Variants in RNF150 observed in about 807,000 individuals in gnomAD.
The protein encoded by RNF150 is ring finger protein 150.
Under a neutral mutation model 39.3 loss-of-function variants are expected in RNF150, and 24 were observed. That is an observed-to-expected ratio of 0.61 (90% CI 0.44 to 0.86). The LOEUF is 0.86. RNF150 is among the 40% of genes least tolerant of loss of function. RNF150 has a pLI of 0.00. For missense variants in RNF150, 502 were observed against 587.8 expected, an observed-to-expected ratio of 0.85 and a Z score of 1.51; for synonymous variants, 255 against 227.3, an observed-to-expected ratio of 1.12 and a Z score of -1.10.
chr4:141,000,010 A>G (rs1439546540), intron 1 of RNF150, among the ~76,000 whole-genome samples: 13 of 37,336 alleles, frequency 3.5e-4, no homozygotes, highest in Non-Finnish European at 4.4e-4. Flanking sequence ...AAGAAGAAGA[A>G]GAAGAAGAAG....
At chr4:140,918,301 G>A (rs374559938) in intron 5 of RNF150, among the ~76,000 whole-genome samples, 8 of 151,814 alleles carry the variant, frequency 5.3e-5, no homozygotes, top group South Asian at 2.1e-4. Context: ...CTAGCAAGAC[G>A]AATAAAGAAA....
intron 1 of RNF150, among the ~76,000 whole-genome samples, chr4:141,175,178 T>C (rs1198462805): frequency 1.3e-5 from 2 of 152,170 alleles, no homozygotes; most frequent in Non-Finnish European, 2.9e-5. Flanking sequence ...TATAGCTTAG[T>C]CTGGAGCCAG....
intron 5 of RNF150, among the ~76,000 whole-genome samples, chr4:140,923,361 CA>C (rs1205032762): frequency 6.6e-6 from 1 of 152,200 alleles, no homozygotes; most frequent in African/African-American, 2.4e-5. Context: ...CCAAAAGACA[CA>C]TGAAAAAATG....
chr4:140,934,700 T>C (rs1731770102), intron 4 of RNF150, among the ~76,000 whole-genome samples: 1 of 151,862 alleles, frequency 6.6e-6, no homozygotes, highest in African/African-American at 2.4e-5. Flanking sequence ...GCCAAAACCA[T>C]ATCCCCAGAG....
At chr4:141,011,255 A>G (rs1025416103) in intron 1 of RNF150, among the ~76,000 whole-genome samples, 1 of 127,352 alleles carries the variant, frequency 7.9e-6, no homozygotes, top group African/African-American at 3.0e-5. Flanking sequence ...ATTCAAAAGT[A>G]AAAAAAAAAC....
rs113907372 is a variant in RNF150, at chr4:140,874,766, G to A, written c.1199-6387C>T. 3.3e-5 allele frequency among the ~76,000 whole-genome samples: 5 copies of A among 152,250 alleles called. 1 individual carries two copies. The highest frequency in any genetic ancestry group is 4.8e-5 in the African/African-American group (2 of 41,552). On this transcript the variant is annotated intron_variant, in intron 6 of 6. Coordinates refer to ENST00000515673, the MANE Select transcript of RNF150 (RefSeq NM_020724.2). ...AGCCGGGACTACAGGCATCTGCCAC[G>A]ACACCTGTGCAGCCTCTATCTTGAG...
intron 1 of RNF150, among the ~76,000 whole-genome samples, chr4:141,195,496 C>A (rs765363915): frequency 7.2e-5 from 11 of 152,300 alleles, no homozygotes; most frequent in Admixed American, 7.2e-4. Context: ...TCAAGTTGAA[C>A]CTTGATCTCA....
chr4:141,046,209 A>G (rs1485683261), intron 1 of RNF150, among the ~76,000 whole-genome samples: 1 of 152,194 alleles, frequency 6.6e-6, no homozygotes, highest in Non-Finnish European at 1.5e-5. Context: ...TCTGACTGGT[A>G]GCTGATGAAG....
intron 1 of RNF150, among the ~76,000 whole-genome samples, chr4:141,155,686 G>A (rs1316561768): frequency 6.6e-6 from 1 of 152,074 alleles, no homozygotes; most frequent in East Asian, 1.9e-4. Flanking sequence ...TCAAAATTTG[G>A]CTGTATATGT....
chr4:141,135,439 A>G (rs1727015303), upstream of RNF150, among the ~76,000 whole-genome samples: 1 of 152,228 alleles, frequency 6.6e-6, no homozygotes, highest in Non-Finnish European at 1.5e-5. Context: ...TGATGGGAGT[A>G]TGTCAAAAAG....
At chr4:141,061,053 G>A (rs1465459522) in intron 1 of RNF150, among the ~76,000 whole-genome samples, 2 of 151,944 alleles carry the variant, frequency 1.3e-5, no homozygotes, top group Admixed American at 6.6e-5. Context: ...TAGGTTGATG[G>A]GTGCAGCAAA....
chr4:140,952,922 C>A (rs916420910), intron 2 of RNF150, among the ~76,000 whole-genome samples: 8 of 152,154 alleles, frequency 5.3e-5, no homozygotes, highest in African/African-American at 1.7e-4. Flanking sequence ...AGATTACTCA[C>A]ACAATTCTAG....
chr4:141,115,502 C>A (rs1283164364), intron 1 of RNF150, among the ~76,000 whole-genome samples: 1 of 152,156 alleles, frequency 6.6e-6, no homozygotes, highest in African/African-American at 2.4e-5. Context: ...AGGACACAAA[C>A]AAATGGAAAA....
intron 6 of RNF150, among the ~76,000 whole-genome samples, chr4:140,910,810 C>G (rs1730568319): frequency 6.6e-6 from 1 of 152,180 alleles, no homozygotes; most frequent in Admixed American, 6.5e-5. Context: ...CTCCCCTCAC[C>G]TGCCCTCCAG....
intron 1 of RNF150, among the ~76,000 whole-genome samples, chr4:141,014,267 A>T (rs1735180109): frequency 6.6e-6 from 1 of 152,150 alleles, no homozygotes; most frequent in Non-Finnish European, 1.5e-5. Flanking sequence ...TTGTTTTCAT[A>T]TCTTGACTAT....
intron 1 of RNF150, among the ~76,000 whole-genome samples, chr4:141,007,965 T>C (rs1171831406): frequency 6.6e-6 from 1 of 152,192 alleles, no homozygotes; most frequent in Non-Finnish European, 1.5e-5. Context: ...GTGGACATCC[T>C]GGGCAATGAA....
intron 1 of RNF150, among the ~76,000 whole-genome samples, chr4:141,022,302 G>A (rs951799801): frequency 1.3e-5 from 2 of 151,920 alleles, no homozygotes; most frequent in Admixed American, 6.6e-5. Flanking sequence ...CCTCTTTCAT[G>A]ATTTTTATCC....
intron 1 of RNF150, among the ~76,000 whole-genome samples, chr4:141,084,568 T>C (rs911608607): frequency 6.6e-6 from 1 of 152,224 alleles, no homozygotes; most frequent in Non-Finnish European, 1.5e-5. Flanking sequence ...TGCTCTCAAA[T>C]GCCTGAGAAC....
intron 1 of RNF150, among the ~76,000 whole-genome samples, chr4:141,096,441 G>A (rs1457977470): frequency 1.1e-4 from 16 of 151,896 alleles, no homozygotes; most frequent in African/African-American, 2.9e-4. Flanking sequence ...CAGGCAATCC[G>A]CCCGCCTCGG....
Sources: gnomAD v4.1 joint callset for allele counts (sites outside exome capture counted in the v4.1 genomes callset) on GRCh38, gnomAD v4.1.1 for gene constraint, MANE v1.5 for transcripts, NCBI Gene and HGNC (gene_info 2026-07-23, HGNC 2026-07-21) for gene names.